EBF2: variants seen among roughly 807,000 people sequenced by gnomAD.
EBF2 encodes the protein EBF transcription factor 2.
In EBF2, 21 loss-of-function variants were observed where a neutral mutation model predicts 72.8. The observed-to-expected ratio is 0.29, with a 90% CI of 0.20 to 0.42. The LOEUF (loss-of-function observed/expected upper bound fraction) is 0.42. Among genes scored for constraint, EBF2 ranks in the 10% least tolerant of loss-of-function variants. EBF2 has a pLI of 1.00. For missense variants in EBF2, 637 were observed against 731.2 expected (o/e 0.87, Z 1.49); for synonymous variants, 299 against 274.2 (o/e 1.09, Z -0.89).
At chr8:26,018,168 C>A (rs1400142109) in intron 6 of EBF2, among the ~76,000 whole-genome samples, 3 of 150,652 alleles carry the variant, frequency 2.0e-5, no homozygotes, top group Non-Finnish European at 2.9e-5. Flanking sequence ...TTGAGAGCCA[C>A]AGAACAGCCA....
chr8:25,907,936 G>A (rs2117312874), intron 7 of EBF2, among the ~76,000 whole-genome samples: 1 of 152,276 alleles, frequency 6.6e-6, no homozygotes, highest in African/African-American at 2.4e-5. Flanking sequence ...CAGTGGCAAG[G>A]GTGATGAAAC....
At chr8:26,005,820 G>A (rs1804871220) in intron 6 of EBF2, among the ~76,000 whole-genome samples, 1 of 96,486 alleles carries the variant, frequency 1.0e-5, no homozygotes, top group African/African-American at 4.2e-5. Flanking sequence ...AACAGAGCAA[G>A]ACCAAGTCTC....
chr8:25,844,899 G>C (rs2117240435), intron 15 of EBF2, among the ~76,000 whole-genome samples: 1 of 152,292 alleles, frequency 6.6e-6, no homozygotes, highest in East Asian at 1.9e-4. Flanking sequence ...GTTATGTTTT[G>C]TTTTATATGG....
At chr8:25,904,594 T>C (rs1184311105) in intron 7 of EBF2, among the ~76,000 whole-genome samples, 4 of 152,332 alleles carry the variant, frequency 2.6e-5, no homozygotes, top group Non-Finnish European at 4.4e-5. Flanking sequence ...AGGAATTGTG[T>C]ATATGGCTCT....
chr8:25,875,753 G>A (rs1802510827), intron 10 of EBF2, among the ~76,000 whole-genome samples: 1 of 152,118 alleles, frequency 6.6e-6, no homozygotes, highest in Non-Finnish European at 1.5e-5. Context: ...AAAAGTCTCT[G>A]CAACAGCCTC....
rs200594181 is a variant in EBF2, at chr8:25,908,506, C to A, written c.601G>T (p.Ala201Ser). 3 of 1,613,782 alleles carry A rather than the reference C, an allele frequency of 1.9e-6. No individual in the cohort carries two copies. The highest frequency in any genetic ancestry group is 2.7e-5 in the African/African-American group (2 of 75,006). The change falls in exon 7 of 16, where the codon GCA becomes TCA. Residue 201 changes from alanine to serine, a missense_variant. Physicochemically the swap from Ala to Ser is moderately conservative, Grantham distance 99. This residue lies in a region of EBF2 where 204 missense variants were observed against 301.2 expected (regional missense o/e 0.68). Coordinates refer to ENST00000520164, the MANE Select transcript of EBF2 (RefSeq NM_022659.4). ...CGTCTCATGTCCCTTGGGTTTCCTG[C>A]TGTTTTCAAACAATTCTGATTGCAC... Reference protein sequence around the residue: ...LKCNQNCLKTAGNPRDMRRFQ... With the variant: ...LKCNQNCLKTSGNPRDMRRFQ...
At chr8:25,958,432 T>A (rs1031602504) in intron 6 of EBF2, among the ~76,000 whole-genome samples, 2 of 152,132 alleles carry the variant, frequency 1.3e-5, no homozygotes, top group African/African-American at 2.4e-5. Flanking sequence ...CCTTTCTCCA[T>A]CTGCACTTTA....
At chr8:25,892,877 G>A (rs948071254) in intron 7 of EBF2, among the ~76,000 whole-genome samples, 1 of 152,164 alleles carries the variant, frequency 6.6e-6, no homozygotes, top group African/African-American at 2.4e-5. Flanking sequence ...GGTACAGCCT[G>A]TCTAGCGCTG....
At chr8:25,982,269 G>C (rs1804374838) in intron 6 of EBF2, among the ~76,000 whole-genome samples, 1 of 152,198 alleles carries the variant, frequency 6.6e-6, no homozygotes, top group African/African-American at 2.4e-5. Flanking sequence ...TTGCTAAATG[G>C]GAAGTGGTGA....
At chr8:26,020,603 G>A (rs1000214414) in intron 6 of EBF2, among the ~76,000 whole-genome samples, 2 of 152,184 alleles carry the variant, frequency 1.3e-5, no homozygotes, top group African/African-American at 4.8e-5. Context: ...AAAACTGAAG[G>A]CAGGAAGAGG....
intron 6 of EBF2, among the ~76,000 whole-genome samples, chr8:26,030,315 G>C (rs951682531): frequency 1.3e-5 from 2 of 151,742 alleles, no homozygotes; most frequent in African/African-American, 4.8e-5. Context: ...TTCGTTTTTT[G>C]TCCTTGCGAA....
chr8:25,915,291 A>C (rs547757816), intron 6 of EBF2, among the ~76,000 whole-genome samples: 214 of 152,216 alleles, frequency 1.4e-3, no homozygotes, highest in African/African-American at 4.7e-3. Context: ...GGAAAAAAAA[A>C]AAAAGGCTGA....
At chr8:26,009,978 G>A (rs1804950248) in intron 6 of EBF2, among the ~76,000 whole-genome samples, 1 of 152,176 alleles carries the variant, frequency 6.6e-6, no homozygotes, top group African/African-American at 2.4e-5. Flanking sequence ...TATTAAGAAG[G>A]AACAGAGAAA....
intron 15 of EBF2, 76 bp downstream of exon 15, chr8:25,850,518 C>A: frequency 7.0e-7 from 1 of 1,429,398 alleles, no homozygotes; most frequent in Admixed American, 2.8e-5. Flanking sequence ...TGGAGCTATA[C>A]AATGATGTGC....
intron 6 of EBF2, among the ~76,000 whole-genome samples, chr8:25,954,489 G>A (rs936478953): frequency 1.3e-5 from 2 of 152,232 alleles, no homozygotes; most frequent in Non-Finnish European, 2.9e-5. Flanking sequence ...GAGGTCAAGG[G>A]CAATGGGTCT....
At chr8:25,988,005 C>G (rs1351388094) in intron 6 of EBF2, among the ~76,000 whole-genome samples, 2 of 152,154 alleles carry the variant, frequency 1.3e-5, no homozygotes, top group Non-Finnish European at 2.9e-5. Flanking sequence ...AGGTGCATTC[C>G]AAGGACAGCT....
intron 6 of EBF2, among the ~76,000 whole-genome samples, chr8:25,970,952 C>T (rs1027261333): frequency 3.3e-5 from 5 of 152,190 alleles, no homozygotes; most frequent in African/African-American, 1.2e-4. Flanking sequence ...CCCACTTCAG[C>T]CTCCTGAGTA....
chr8:26,016,566 A>T (rs1258287750), intron 6 of EBF2, among the ~76,000 whole-genome samples: 1 of 152,196 alleles, frequency 6.6e-6, no homozygotes, highest in African/African-American at 2.4e-5. Context: ...TTTAAGAGGG[A>T]AATGTGGCTA....
intron 6 of EBF2, among the ~76,000 whole-genome samples, chr8:25,988,282 G>A (rs534083328): frequency 1.3e-4 from 20 of 152,148 alleles, no homozygotes; most frequent in Non-Finnish European, 2.5e-4. Flanking sequence ...TCTTCCCAAG[G>A]CTCCATTAGT....
Sources: allele counts gnomAD v4.1 joint callset (sites outside exome capture counted in the v4.1 genomes callset), GRCh38; gene constraint gnomAD v4.1.1; regional missense constraint gnomAD v4.1.1; transcripts MANE v1.5; gene names NCBI Gene and HGNC (gene_info 2026-07-23, HGNC 2026-07-21).